Variants in SEMA3A observed in about 807,000 individuals in gnomAD.
The protein encoded by SEMA3A is semaphorin-3A.
SEMA3A carries 29 observed loss-of-function variants against 97.9 expected under a neutral mutation model. That is an observed-to-expected ratio of 0.30 (90% CI 0.22 to 0.40). SEMA3A has a LOEUF of 0.40. SEMA3A is among the 10% of genes least tolerant of loss of function. The probability of loss-of-function intolerance (pLI) is 1.00; values close to 1 mark genes in which losing one functional copy is unlikely to be tolerated. For missense variants in SEMA3A, 763 were observed against 951.3 expected (o/e 0.80, Z 2.60); for synonymous variants, 321 against 323.7 (o/e 0.99, Z 0.09).
At chr7:84,316,747 A>C (rs1024348939) in intron 2 of SEMA3A, among the ~76,000 whole-genome samples, 1 of 152,118 alleles carries the variant, frequency 6.6e-6, no homozygotes, top group African/African-American at 2.4e-5. Context: ...TATAATCCAG[A>C]AGCAGATTTT....
At chr7:84,430,030 A>G (rs1361456432) in intron 1 of SEMA3A, among the ~76,000 whole-genome samples, 1 of 152,034 alleles carries the variant, frequency 6.6e-6, no homozygotes, top group Non-Finnish European at 1.5e-5. Context: ...CTAAGTAAAT[A>G]TCTCACTCAA....
At chr7:84,008,490 C>CAAAAA (rs752729583) in intron 9 of SEMA3A, among the ~76,000 whole-genome samples, 1,065 of 81,046 alleles carry the variant, frequency 0.013, 44 homozygotes, top group East Asian at 0.1. Context: ...GACTCCGTCT[C>CAAAAA]AAAAAAAAAA....
intron 2 of SEMA3A, among the ~76,000 whole-genome samples, chr7:84,362,356 A>T (rs1337947479): frequency 3.9e-5 from 6 of 152,024 alleles, no homozygotes; most frequent in Non-Finnish European, 5.9e-5. Context: ...CTCAATTTCA[A>T]CCATACAATA....
Position 84,219,301 on chromosome 7 carries a change from T to C in SEMA3A, c.-82-24633A>G, listed in dbSNP as rs1480475347. Reference sequence around the variant, plus strand: ...GTCTTTTCAGATGTCTGACAGAAGATCTTCAGAACTACTCCTTAGTATGAT... The same window carrying C: ...GTCTTTTCAGATGTCTGACAGAAGACCTTCAGAACTACTCCTTAGTATGAT... On this transcript the variant is annotated intron_variant, in intron 3 of 3. Coordinates refer to the SEMA3A transcript ENST00000424555. Among the ~76,000 whole-genome samples the C allele has an allele frequency of 2.0e-5, 3 of 152,150 alleles. No individual in the cohort carries two copies. The East Asian group carries it at 5.8e-4, about 29-fold the overall frequency.
chr7:84,105,975 A>T (rs936610958), intron 4 of SEMA3A, among the ~76,000 whole-genome samples: 7 of 152,192 alleles, frequency 4.6e-5, no homozygotes, highest in Non-Finnish European at 8.8e-5. Context: ...ATACCCAAGA[A>T]TTGATTGACA....
chr7:84,442,885 T>C (rs193063586), intron 1 of SEMA3A, among the ~76,000 whole-genome samples: 3 of 152,218 alleles, frequency 2.0e-5, no homozygotes, highest in East Asian at 3.9e-4. Context: ...TGAAGAATAT[T>C]ATGTTGATGA....
intron 1 of SEMA3A, among the ~76,000 whole-genome samples, chr7:84,377,378 A>G (rs1253176400): frequency 6.6e-6 from 1 of 152,152 alleles, no homozygotes; most frequent in Admixed American, 6.6e-5. Context: ...TCAATTACTT[A>G]CAAGCTTGCT....
At chr7:84,187,490 C>T (rs1338748557) in intron 1 of SEMA3A, among the ~76,000 whole-genome samples, 1 of 152,052 alleles carries the variant, frequency 6.6e-6, no homozygotes, top group East Asian at 1.9e-4. Flanking sequence ...CTCTTAGCTG[C>T]AGACTAACAA....
intron 1 of SEMA3A, among the ~76,000 whole-genome samples, chr7:84,472,047 A>G (rs1806167343): frequency 6.6e-6 from 1 of 152,078 alleles, no homozygotes; most frequent in Admixed American, 6.6e-5. Context: ...ATGAATAAAT[A>G]GTACATATCT....
At chr7:84,063,366 C>A (rs1793335712) in intron 4 of SEMA3A, among the ~76,000 whole-genome samples, 1 of 150,964 alleles carries the variant, frequency 6.6e-6, no homozygotes, top group African/African-American at 2.4e-5. Flanking sequence ...GAGCGCCTCT[C>A]CTCCTCCAAA....
chr7:84,235,750 A>G (rs1406731265), intron 3 of SEMA3A, among the ~76,000 whole-genome samples: 2 of 151,960 alleles, frequency 1.3e-5, no homozygotes, highest in African/African-American at 2.4e-5. Flanking sequence ...AGTACCCTCT[A>G]CTCTTGGGCA....
chr7:84,141,981 C>G (rs1334797447), intron 1 of SEMA3A, among the ~76,000 whole-genome samples: 4 of 152,160 alleles, frequency 2.6e-5, no homozygotes, highest in Non-Finnish European at 5.9e-5. Flanking sequence ...CCAAGCCCAG[C>G]TCCCATACTT....
At chr7:84,206,320 ATTT>A (rs532227830) in intron 3 of SEMA3A, among the ~76,000 whole-genome samples, 8,525 of 130,202 alleles carry the variant, frequency 0.065, 226 homozygotes, top group African/African-American at 0.096. Flanking sequence ...CCAAGATGGC[ATTT>A]TTTTTTTTTT....
intron 3 of SEMA3A, among the ~76,000 whole-genome samples, chr7:84,222,700 A>G (rs1056542069): frequency 7.9e-5 from 12 of 151,872 alleles, no homozygotes; most frequent in Non-Finnish European, 1.5e-4. Flanking sequence ...CTTGGTTTTA[A>G]TACAGAAATG....
intron 4 of SEMA3A, among the ~76,000 whole-genome samples, chr7:84,064,082 C>T (rs1793374936): frequency 6.6e-6 from 1 of 152,222 alleles, no homozygotes; most frequent in Admixed American, 6.5e-5. Flanking sequence ...CAGCAGAAAC[C>T]CTACAAGCCA....
At chr7:84,020,416 G>A (rs1791286114) in intron 6 of SEMA3A, among the ~76,000 whole-genome samples, 1 of 150,000 alleles carries the variant, frequency 6.7e-6, no homozygotes, top group Non-Finnish European at 1.5e-5. Flanking sequence ...ATCAAGCTAT[G>A]TCAACTTTCC....
chr7:84,173,738 C>A (rs1797470329), intron 1 of SEMA3A, among the ~76,000 whole-genome samples: 1 of 152,108 alleles, frequency 6.6e-6, no homozygotes, highest in African/African-American at 2.4e-5. Flanking sequence ...GCTTCCCAAT[C>A]CCCCTCCCAC....
At chr7:84,041,556 T>C (rs1792134590) in intron 6 of SEMA3A, among the ~76,000 whole-genome samples, 1 of 152,162 alleles carries the variant, frequency 6.6e-6, no homozygotes, top group Admixed American at 6.6e-5. Flanking sequence ...GAAAATACCT[T>C]AAGTATTCTC....
intron 15 of SEMA3A, among the ~76,000 whole-genome samples, chr7:83,967,833 A>T (rs1788765097): frequency 6.6e-6 from 1 of 152,190 alleles, no homozygotes; most frequent in African/African-American, 2.4e-5. Flanking sequence ...GTACATATTT[A>T]TAGGGTACAG....
Sources: gnomAD v4.1 joint callset for allele counts (sites outside exome capture counted in the v4.1 genomes callset) on GRCh38, gnomAD v4.1.1 for gene constraint, MANE v1.5 for transcripts, NCBI Gene and HGNC (gene_info 2026-07-23, HGNC 2026-07-21) for gene names.